MGMT: variants seen among roughly 807,000 people sequenced by gnomAD.
The protein encoded by MGMT is O-6-methylguanine-DNA methyltransferase.
A neutral mutation model predicts 15.9 loss-of-function variants in MGMT; 14 were observed. That is an observed-to-expected ratio of 0.88 (90% confidence interval 0.58 to 1.37). The LOEUF (loss-of-function observed/expected upper bound fraction) is 1.37, where lower values mean the gene tolerates loss of function less well. Among genes scored for constraint, MGMT ranks in the 40% most tolerant of loss-of-function variants. The probability of loss-of-function intolerance (pLI) is 0.00; values close to 1 mark genes in which losing one functional copy is unlikely to be tolerated. For synonymous variants in MGMT, 130 were observed against 118.2 expected, an observed-to-expected ratio of 1.10 and a Z score of -0.65; for missense variants, 282 against 268.1, an observed-to-expected ratio of 1.05 and a Z score of -0.36.
intron 2 of MGMT, among the ~76,000 whole-genome samples, chr10:129,688,008 C>A (rs1404729018): frequency 6.6e-6 from 1 of 152,156 alleles, no homozygotes; most frequent in Non-Finnish European, 1.5e-5. Flanking sequence ...TCATCCATGT[C>A]CCTATAAAAG....
chr10:129,549,442 C>T (rs1019806741), intron 2 of MGMT, among the ~76,000 whole-genome samples: 2 of 151,972 alleles, frequency 1.3e-5, no homozygotes, highest in Admixed American at 6.6e-5. Context: ...TATCTGAGGG[C>T]GAGAAGAATG....
chr10:129,749,400 C>T (rs184183297), intron 3 of MGMT, among the ~76,000 whole-genome samples: 69 of 152,258 alleles, frequency 4.5e-4, no homozygotes, highest in African/African-American at 1.5e-3. Flanking sequence ...GTAGCCTTTT[C>T]GGCTGGCTTC....
At chr10:129,510,878 A>G (rs7083062) in intron 1 of MGMT, among the ~76,000 whole-genome samples, 148,242 of 149,376 alleles carry the variant, frequency 0.99, 73,559 homozygotes, top group Non-Finnish European at 1. Flanking sequence ...ATGCAGCCAC[A>G]TGCTTCCTGT....
rs779649950 is a variant in MGMT, at chr10:129,759,206, G to A, written c.279G>A (p.Ser93=). ...ALHHPVFQQE[S]FTRQVLWKLL... ...ATCCTGCATTCTTCCTTTCAGAGTC[G>A]TTCACCAGACAGGTGTTATGGAAGC... is the stretch of plus-strand genomic sequence containing the variant. Residue 93 remains serine (S), a synonymous_variant, in exon 4 of 5, where the codon TCG becomes TCA. Coordinates refer to ENST00000651593, the MANE Select transcript of MGMT (RefSeq NM_002412.5). 6.1e-5 allele frequency: 99 copies of A among 1,614,054 alleles called. 1 individual carries two copies. The South Asian group carries it at 8.3e-4, about 14-fold the overall frequency.
intron 1 of MGMT, among the ~76,000 whole-genome samples, chr10:129,523,530 T>C (rs1845835914): frequency 6.6e-6 from 1 of 152,142 alleles, no homozygotes; most frequent in Non-Finnish European, 1.5e-5. Context: ...TAGGCGGGTC[T>C]CGAAGCCCAT....
At chr10:129,596,167 G>A (rs1316849123) in intron 2 of MGMT, among the ~76,000 whole-genome samples, 1 of 150,350 alleles carries the variant, frequency 6.7e-6, no homozygotes, top group Non-Finnish European at 1.5e-5. Flanking sequence ...GTGAGTTTTA[G>A]CATGGTATTT....
intron 3 of MGMT, among the ~76,000 whole-genome samples, chr10:129,741,289 G>A (rs756310153): frequency 6.6e-6 from 1 of 152,204 alleles, no homozygotes; most frequent in South Asian, 2.1e-4. Flanking sequence ...CCCATCTGAA[G>A]AAGCCCTGTA....
chr10:129,488,871 CAT>C (rs1200033701), intron 1 of MGMT, among the ~76,000 whole-genome samples: 4 of 152,188 alleles, frequency 2.6e-5, no homozygotes, highest in South Asian at 2.1e-4. Context: ...AAACATGTGA[CAT>C]GTGGATATAG....
intron 3 of MGMT, among the ~76,000 whole-genome samples, chr10:129,752,844 T>C (rs1848764203): frequency 6.6e-6 from 1 of 152,164 alleles, no homozygotes; most frequent in African/African-American, 2.4e-5. Flanking sequence ...CTTGAAAAAC[T>C]TGAGGAAAAT....
intron 2 of MGMT, among the ~76,000 whole-genome samples, chr10:129,679,176 A>G (rs75607798): frequency 0.092 from 13,944 of 152,258 alleles, 919 homozygotes; most frequent in Admixed American, 0.18. Flanking sequence ...GTTCAGATTA[A>G]TGTGTTTTCT....
intron 2 of MGMT, among the ~76,000 whole-genome samples, chr10:129,628,434 C>T (rs575914871): frequency 2.6e-5 from 4 of 152,260 alleles, no homozygotes; most frequent in South Asian, 4.1e-4. Flanking sequence ...ATCGCTCGGT[C>T]GCTGGGCAGT....
Position 129,759,216 on chromosome 10 carries a change from C to T in MGMT, c.289C>T (p.Gln97Ter), listed in dbSNP as rs1246394756. 6.2e-6 allele frequency: 10 copies of T among 1,614,082 alleles called. No homozygotes were observed. The highest frequency in any genetic ancestry group is 7.6e-6 in the Non-Finnish European group (9 of 1,180,052). Residue 97 changes from glutamine to a stop codon, truncating the protein, a stop_gained, in exon 4 of 5, where the codon CAG (glutamine) becomes TAG (stop). Transcript: ENST00000651593. LOFTEE classifies it high-confidence loss of function. The stretch of plus-strand genomic sequence containing the variant: ...CTTCCTTTCAGAGTCGTTCACCAGA[C>T]AGGTGTTATGGAAGCTGCTGAAGGT... ...PVFQQESFTRQVLWKLLKVVK... is the reference protein window; with the variant it reads ...PVFQQESFTR
At chr10:129,750,073 T>C (rs1461365577) in intron 3 of MGMT, among the ~76,000 whole-genome samples, 1 of 152,118 alleles carries the variant, frequency 6.6e-6, no homozygotes, top group Non-Finnish European at 1.5e-5. Context: ...CTGCCTCTCG[T>C]TTTCAGAGTC....
intron 2 of MGMT, among the ~76,000 whole-genome samples, chr10:129,682,952 G>A (rs1006784081): frequency 5.3e-5 from 8 of 152,186 alleles, no homozygotes; most frequent in African/African-American, 1.2e-4. Flanking sequence ...GGGTTCAAGC[G>A]ATTCTCCTGC....
At chr10:129,700,614 T>C (rs1848087827) in intron 2 of MGMT, 1 of 152,196 alleles carries the variant, frequency 6.6e-6, no homozygotes, top group Admixed American at 6.5e-5. Context: ...CGCATGCATT[T>C]CAGATCCTCA....
intron 2 of MGMT, among the ~76,000 whole-genome samples, chr10:129,642,134 T>C: frequency 6.6e-6 from 1 of 152,070 alleles, no homozygotes; most frequent in East Asian, 1.9e-4. Context: ...CAGTGGGCAT[T>C]TCCTACAGTG....
chr10:129,745,314 G>A (rs969075431), intron 3 of MGMT, among the ~76,000 whole-genome samples: 1 of 152,118 alleles, frequency 6.6e-6, no homozygotes, highest in Non-Finnish European at 1.5e-5. Context: ...ACGCGTGTGT[G>A]TGTTTCTGTA....
intron 2 of MGMT, among the ~76,000 whole-genome samples, chr10:129,651,819 T>C (rs1282690345): frequency 6.6e-6 from 1 of 152,182 alleles, no homozygotes; most frequent in Non-Finnish European, 1.5e-5. Flanking sequence ...CGAGAGCATG[T>C]GCTAGTTAAA....
intron 2 of MGMT, among the ~76,000 whole-genome samples, chr10:129,587,058 CT>C (rs1391663563): frequency 1.3e-5 from 2 of 152,210 alleles, no homozygotes; most frequent in African/African-American, 4.8e-5. Flanking sequence ...TCTTGTTCCA[CT>C]GTCTCTGACT....
Sources: gnomAD v4.1 joint callset for allele counts (sites outside exome capture counted in the v4.1 genomes callset) on GRCh38, gnomAD v4.1.1 for gene constraint, MANE v1.5 for transcripts, NCBI Gene and HGNC (gene_info 2026-07-23, HGNC 2026-07-21) for gene names.